Variants in PATJ observed in about 807,000 individuals in gnomAD.
PATJ encodes inaD-like protein.
A neutral mutation model predicts 224.9 loss-of-function variants in PATJ; 190 were observed. The observed-to-expected ratio is 0.84, with a 90% CI of 0.75 to 0.95. The LOEUF (loss-of-function observed/expected upper bound fraction) is 0.95. PATJ is among the 40% of genes least tolerant of loss of function. The pLI is 0.00. For missense variants in PATJ, 2,121 were observed against 2,270.3 expected (o/e 0.93, Z 1.34); for synonymous variants, 769 against 820.3 (o/e 0.94, Z 1.07).
At chr1:61,868,006 A>C (rs1280866215) in intron 20 of PATJ, among the ~76,000 whole-genome samples, 3 of 152,204 alleles carry the variant, frequency 2.0e-5, no homozygotes, top group South Asian at 2.1e-4. Context: ...GGGGCTATAG[A>C]TGTCAGCTAT....
chr1:61,964,268 G>T (rs916134338), intron 27 of PATJ, among the ~76,000 whole-genome samples: 1 of 151,812 alleles, frequency 6.6e-6, no homozygotes, highest in Non-Finnish European at 1.5e-5. Context: ...TTTTAGTAGA[G>T]ACAGGGTTTC....
intron 21 of PATJ, among the ~76,000 whole-genome samples, chr1:61,880,038 A>G (rs1014769605): frequency 6.6e-6 from 1 of 152,008 alleles, no homozygotes; most frequent in Admixed American, 6.6e-5. Flanking sequence ...GGGTTTCATC[A>G]TGCTGGCCAG....
intron 21 of PATJ, among the ~76,000 whole-genome samples, chr1:61,878,872 C>T (rs1667707249): frequency 6.6e-6 from 1 of 152,064 alleles, no homozygotes; most frequent in Admixed American, 6.5e-5. Context: ...CAACTTCCTC[C>T]TCCCAGGTTC....
At chr1:62,091,737 T>C (rs1660755775) in intron 33 of PATJ, among the ~76,000 whole-genome samples, 1 of 151,254 alleles carries the variant, frequency 6.6e-6, no homozygotes, top group Admixed American at 6.6e-5. Flanking sequence ...GGCAACATAG[T>C]GAGACCCCAT....
intron 16 of PATJ, 44 bp downstream of exon 16, chr1:61,827,627 A>G: frequency 3.2e-6 from 5 of 1,570,214 alleles, no homozygotes; most frequent in Non-Finnish European, 4.3e-6. Flanking sequence ...ATGCCCATTC[A>G]TCAAAGATGC....
At chr1:61,845,555 T>C (rs1213231985) in intron 17 of PATJ, among the ~76,000 whole-genome samples, 2 of 152,208 alleles carry the variant, frequency 1.3e-5, no homozygotes, top group Non-Finnish European at 2.9e-5. Flanking sequence ...ATTTATTTAT[T>C]TTTTGTCACC....
At chr1:62,000,457 T>C (rs1558019628) in intron 28 of PATJ, among the ~76,000 whole-genome samples, 1 of 150,830 alleles carries the variant, frequency 6.6e-6, no homozygotes, top group Non-Finnish European at 1.5e-5. Context: ...GTTTGGTTTT[T>C]TGTTCTTACG....
At chr1:61,998,920 T>C (rs1319846215) in intron 28 of PATJ, among the ~76,000 whole-genome samples, 1 of 152,216 alleles carries the variant, frequency 6.6e-6, no homozygotes, top group African/African-American at 2.4e-5. Flanking sequence ...CATATTCTTG[T>C]CTTGGAGGAA....
At chr1:61,788,033 T>A in intron 8 of PATJ, 61 bp downstream of exon 8, 1 of 1,344,568 alleles carries the variant, frequency 7.4e-7, no homozygotes, top group Non-Finnish European at 1.0e-6. Flanking sequence ...CACTGTAAGA[T>A]AAGAAATTCT....
intron 43 of PATJ, among the ~76,000 whole-genome samples, chr1:62,154,999 A>G (rs1264344515): frequency 6.6e-6 from 1 of 152,220 alleles, no homozygotes; most frequent in Non-Finnish European, 1.5e-5. Context: ...GGGTAGCAGA[A>G]TGCTTATCCC....
At chr1:61,841,269 A>G (rs888907911) in intron 17 of PATJ, among the ~76,000 whole-genome samples, 2 of 152,230 alleles carry the variant, frequency 1.3e-5, no homozygotes, top group Middle Eastern at 3.4e-3. Flanking sequence ...TTAGGACTTT[A>G]ATTTTTACCA....
chr1:62,144,392 T>G (rs1163559129), intron 41 of PATJ, among the ~76,000 whole-genome samples: 1 of 152,180 alleles, frequency 6.6e-6, no homozygotes, highest in Non-Finnish European at 1.5e-5. Context: ...ACTTAACAGA[T>G]GAAGCTTAAT....
At chr1:62,035,615 AT>A (rs1172100483) in intron 29 of PATJ, among the ~76,000 whole-genome samples, 396 of 124,204 alleles carry the variant, frequency 3.2e-3, no homozygotes, top group African/African-American at 7.6e-3. Context: ...CCATTCATTC[AT>A]TTTTTTTTTT....
At chr1:61,799,285 T>C (rs1433239354) in intron 11 of PATJ, among the ~76,000 whole-genome samples, 1 of 152,114 alleles carries the variant, frequency 6.6e-6, no homozygotes, top group African/African-American at 2.4e-5. Flanking sequence ...TTCCACCTCC[T>C]GTGTTCAAGT....
At chr1:62,014,332 A>G (rs1321497563) in intron 28 of PATJ, among the ~76,000 whole-genome samples, 1 of 152,144 alleles carries the variant, frequency 6.6e-6, no homozygotes, top group Admixed American at 6.5e-5. Flanking sequence ...CTGGGATTAC[A>G]GGCATGAGCC....
At chr1:61,828,518 T>G (rs1297719246) in intron 16 of PATJ, among the ~76,000 whole-genome samples, 2 of 151,636 alleles carry the variant, frequency 1.3e-5, no homozygotes, top group East Asian at 3.9e-4. Flanking sequence ...GCCTCCCAAG[T>G]AGCTGGGACC....
At chr1:62,082,974 G>A (rs115077548) in intron 32 of PATJ, among the ~76,000 whole-genome samples, 1 of 152,094 alleles carries the variant, frequency 6.6e-6, no homozygotes, top group African/African-American at 2.4e-5. Context: ...CATAATGTAA[G>A]AAACAATACT....
Position 61,797,350 on chromosome 1 carries a change from G to A in PATJ, c.1324G>A (p.Gly442Arg), listed in dbSNP as rs1651557430. 1 of 1,613,978 alleles carries A rather than the reference G, an allele frequency of 6.2e-7. No individual in the cohort carries two copies. Among genetic ancestry groups the A allele is most frequent in the African/African-American group, 1.3e-5 (1 of 75,052 alleles). ...HDVVEVLRNAGQVVHLTLVRR... is the reference protein window; with the variant it reads ...HDVVEVLRNARQVVHLTLVRR... ...TGTTGTTGAAGTATTACGAAATGCA[G>A]GGCAGGTGGTACACCTAACCCTAGT... The change falls in exon 11 of 44, where the codon GGG becomes AGG. Residue 442 changes from glycine to arginine, a missense_variant. Gly to Arg is a moderately radical substitution (Grantham distance 125). Coordinates refer to ENST00000642238, the MANE Select transcript of PATJ (RefSeq NM_001350145.3).
chr1:62,037,585 A>G (rs1367717026), intron 29 of PATJ, among the ~76,000 whole-genome samples: 2 of 152,194 alleles, frequency 1.3e-5, no homozygotes, highest in African/African-American at 2.4e-5. Flanking sequence ...AGTTCAAAGA[A>G]CAAAACGCCC....
Sources: allele counts gnomAD v4.1 joint callset (sites outside exome capture counted in the v4.1 genomes callset), GRCh38; gene constraint gnomAD v4.1.1; transcripts MANE v1.5; gene names NCBI Gene and HGNC (gene_info 2026-07-23, HGNC 2026-07-21).